CRB1: variants seen among roughly 807,000 people sequenced by gnomAD.
CRB1 encodes crumbs cell polarity complex component 1, also known as protein crumbs homolog 1.
A neutral mutation model predicts 120.0 loss-of-function variants in CRB1; 83 were observed. The observed-to-expected ratio is 0.69, with a 90% confidence interval of 0.58 to 0.83. The LOEUF (loss-of-function observed/expected upper bound fraction) is 0.83, where lower values mean the gene tolerates loss of function less well. Among genes scored for constraint, CRB1 ranks in the 40% least tolerant of loss-of-function variants. The probability of loss-of-function intolerance (pLI) is 0.00; values close to 1 mark genes in which losing one functional copy is unlikely to be tolerated. For missense variants in CRB1, 1,699 were observed against 1,687.6 expected (o/e 1.01, Z -0.12); for synonymous variants, 625 against 612.5 (o/e 1.02, Z -0.30).
At position 197,429,752 on chromosome 1, in the gene CRB1, C is replaced by T. The variant is rs185695284; in HGVS notation, c.2842+138C>T. ...TGGTTGTTTCCCCTATGCGAGTAGG[C>T]TAATACTGACTGGCCTCTTGCCTCA... On this transcript the variant is annotated intron_variant, in intron 8 of 11. Transcript: ENST00000367400. The T allele has an allele frequency of 8.0e-6, 7 of 875,188 alleles. No individual in the cohort carries two copies. In the East Asian group the frequency reaches 1.9e-4, roughly 23 times the overall value. The allele number at this position is 875,188 out of a possible 1,614,324, so 54.2% of individuals were successfully genotyped here. A position where few individuals can be genotyped will look rare whatever the true frequency, so the allele number is the denominator to read the frequency against.
the CRB1 span, among the ~76,000 whole-genome samples, chr1:197,209,399 C>G: frequency 6.6e-6 from 1 of 152,054 alleles, no homozygotes; most frequent in Non-Finnish European, 1.5e-5. Flanking sequence ...GGCTGGAGTT[C>G]AGTGGTGGCG....
At chr1:197,219,261 G>A in the CRB1 span, among the ~76,000 whole-genome samples, 2 of 152,180 alleles carry the variant, frequency 1.3e-5, no homozygotes, top group East Asian at 3.8e-4. Context: ...TTTATCAAAT[G>A]CTTACTATGT....
At chr1:197,429,370 CAG>C (rs979949714) in intron 7 of CRB1, 77 bp from the exon 8 acceptor site, 9 of 1,523,714 alleles carry the variant, frequency 5.9e-6, no homozygotes, top group African/African-American at 1.4e-5. Flanking sequence ...TTTAAAAAAA[CAG>C]ATATGTGGTT....
chr1:197,421,055 T>G lies in CRB1; in HGVS notation c.1227T>G (p.Gly409=), dbSNP rs903050285. 4.3e-6 allele frequency: 7 copies of G among 1,614,194 alleles called. No individual in the cohort carries two copies. Among genetic ancestry groups the G allele is most frequent in the Non-Finnish European group, 5.1e-6 (6 of 1,180,018 alleles). The change falls in exon 6 of 12, where the codon GGT becomes GGG. Residue 409 remains glycine (G), a synonymous_variant. Coordinates refer to ENST00000367400, the MANE Select transcript of CRB1 (RefSeq NM_201253.3). Reference sequence around the variant, plus strand: ...GTTCTTCAAACCCTTGCCAAAATGGTGGTACTTGTGAGAACTTGCCTGGGA... The same window carrying G: ...GTTCTTCAAACCCTTGCCAAAATGGGGGTACTTGTGAGAACTTGCCTGGGA... ...NECSSNPCQN[G]GTCENLPGNY...
chr1:197,378,933 C>T (rs879909647), intron 5 of CRB1, among the ~76,000 whole-genome samples: 1 of 152,176 alleles, frequency 6.6e-6, no homozygotes, highest in African/African-American at 2.4e-5. Flanking sequence ...ATGGATGCTA[C>T]TTTCTTTTGA....
chr1:197,249,544 A>G, the CRB1 span, among the ~76,000 whole-genome samples: 2 of 152,006 alleles, frequency 1.3e-5, no homozygotes, highest in Non-Finnish European at 2.9e-5. Context: ...GTACTGAACT[A>G]TTAAAAGTAA....
At chr1:197,316,753 C>T (rs528248066) in intron 1 of CRB1, among the ~76,000 whole-genome samples, 3 of 151,922 alleles carry the variant, frequency 2.0e-5, no homozygotes, top group Admixed American at 1.3e-4. Context: ...ATGGAGAACA[C>T]CCCAATGACT....
At chr1:197,369,009 G>C (rs1182122121) in intron 5 of CRB1, among the ~76,000 whole-genome samples, 1 of 152,108 alleles carries the variant, frequency 6.6e-6, no homozygotes. Flanking sequence ...ACGTTTGTTA[G>C]AGTAAGAAGC....
the CRB1 span, chr1:197,222,525 C>CT: frequency 1.3e-6 from 1 of 768,406 alleles, no homozygotes; most frequent in Admixed American, 1.7e-5. Context: ...TCCGTTTGGT[C>CT]TTGGCAGTGT....
chr1:197,381,442 G>A (rs1661951789), intron 5 of CRB1, among the ~76,000 whole-genome samples: 1 of 152,180 alleles, frequency 6.6e-6, no homozygotes, highest in African/African-American at 2.4e-5. Flanking sequence ...CAGTGGCACA[G>A]AATTGGTAAT....
rs867930029 is a variant in CRB1 at position 197,400,327 on chromosome 1, A to G, written c.1172-20673A>G. ...AGCTTTTTTTTTTTTTTTTTTTTTAAAACAGATAAGGTCTTGCTCTGTCAC... is the reference window on the plus strand; with the variant it reads ...AGCTTTTTTTTTTTTTTTTTTTTTAGAACAGATAAGGTCTTGCTCTGTCAC... On this transcript the variant is annotated intron_variant, in intron 5 of 11. Transcript: ENST00000367400. Among the ~76,000 whole-genome samples, 3 of 139,272 alleles carry G rather than the reference A, an allele frequency of 2.2e-5. No homozygotes were observed. The Middle Eastern group carries it at 0.01, about 480-fold the overall frequency. The allele number at this position is 139,272 out of a possible 152,430, so 91.4% of individuals were successfully genotyped here.
At position 197,435,275 on chromosome 1, in the gene CRB1, T is replaced by C; in HGVS notation, c.3412T>C (p.Leu1138=). ...TACCAATTCAGTGGTCACTGGCTGT[T>C]TGCAGTTAAATGTCTGCAACTCCAA... ...ISTNSVVTGC[L]QLNVCNSNPC... is the part of the protein sequence containing the mutation. Residue 1138 remains leucine, a synonymous_variant, in exon 9 of 12, where the codon TTG becomes CTG. Coordinates refer to ENST00000367400, the MANE Select transcript of CRB1 (RefSeq NM_201253.3). The C allele has an allele frequency of 7.4e-6, 12 of 1,613,894 alleles. No homozygotes were observed. The highest frequency in any genetic ancestry group is 1.0e-5 in the Non-Finnish European group (12 of 1,179,846).
In CRB1 at chr1:197,421,154, C is replaced by T; in HGVS notation, c.1326C>T (p.Leu442=). The T allele has an allele frequency of 6.2e-7, 1 of 1,614,150 alleles. No homozygotes were observed. Among genetic ancestry groups the T allele is most frequent in the South Asian group, 1.1e-5 (1 of 91,080 alleles). Residue 442 remains leucine, a synonymous_variant, in exon 6 of 12, where the codon CTC becomes CTT. Transcript: ENST00000367400. ...GAGGAAGGGACTGTTCTGATATTCT[C>T]CTGGGCTGTACCCATCAGCAATGTC... ...FYGGRDCSDI[L]LGCTHQQCLN... is the part of the protein sequence containing the mutation.
chr1:197,209,330 T>TTTTTGTTTTG, the CRB1 span, among the ~76,000 whole-genome samples: 32 of 151,502 alleles, frequency 2.1e-4, no homozygotes, highest in Admixed American at 7.9e-4. Flanking sequence ...TTTGTTTTTG[T>TTTTTGTTTTG]TTTTGTTTTG....
At chr1:197,383,808 T>C (rs573237838) in intron 5 of CRB1, among the ~76,000 whole-genome samples, 1 of 152,222 alleles carries the variant, frequency 6.6e-6, no homozygotes, top group African/African-American at 2.4e-5. Context: ...TATTTTGTTT[T>C]ACTGACTACC....
intron 11 of CRB1, among the ~76,000 whole-genome samples, chr1:197,463,719 A>C (rs977613151): frequency 5.9e-5 from 9 of 152,196 alleles, no homozygotes; most frequent in African/African-American, 2.2e-4. Context: ...AAGAGATGAC[A>C]TCTAAAATGC....
At chr1:197,438,499 T>C (rs1289709501) in intron 9 of CRB1, 48 bp from the exon 10 acceptor site, 2 of 1,607,390 alleles carry the variant, frequency 1.2e-6, no homozygotes, top group Admixed American at 3.3e-5. Flanking sequence ...TTTTCTTGAA[T>C]GAGATGAACA....
At chr1:197,464,275 C>T (rs1219839465) in intron 11 of CRB1, among the ~76,000 whole-genome samples, 8 of 152,120 alleles carry the variant, frequency 5.3e-5, no homozygotes, top group Non-Finnish European at 7.4e-5. Context: ...CTGTACAAGC[C>T]GAATGACCCT....
intron 11 of CRB1, among the ~76,000 whole-genome samples, chr1:197,463,476 T>C (rs1039212045): frequency 2.0e-5 from 3 of 152,196 alleles, no homozygotes; most frequent in Non-Finnish European, 2.9e-5. Flanking sequence ...ATTTTTACTC[T>C]TCTTTCAGTC....
Sources: allele counts gnomAD v4.1 joint callset (sites outside exome capture counted in the v4.1 genomes callset), GRCh38; gene constraint gnomAD v4.1.1; transcripts MANE v1.5; gene names NCBI Gene and HGNC (gene_info 2026-07-23, HGNC 2026-07-21).